TMPRSS15: variants seen among roughly 807,000 people sequenced by gnomAD.
The protein encoded by TMPRSS15 is enteropeptidase.
Under a neutral mutation model 125.3 loss-of-function variants are expected in TMPRSS15, and 128 were observed. The observed-to-expected ratio is 1.02, with a 90% CI of 0.89 to 1.18. The LOEUF (loss-of-function observed/expected upper bound fraction) is 1.18. TMPRSS15 is among the 50% of genes most tolerant of loss of function. The pLI, the probability that TMPRSS15 is intolerant of heterozygous loss-of-function variation, is 0.00. For synonymous variants in TMPRSS15, 446 were observed against 423.2 expected, an observed-to-expected ratio of 1.05 and a Z score of -0.66; for missense variants, 1,283 against 1,212.7, an observed-to-expected ratio of 1.06 and a Z score of -0.86.
chr21:18,307,737 C>A (rs560253304), intron 18 of TMPRSS15, among the ~76,000 whole-genome samples: 1 of 151,970 alleles, frequency 6.6e-6, no homozygotes, highest in Non-Finnish European at 1.5e-5. Flanking sequence ...TTGGAAGGAA[C>A]GTAAATGTAG....
At chr21:18,314,759 A>G (rs1362549913) in intron 17 of TMPRSS15, among the ~76,000 whole-genome samples, 1 of 152,182 alleles carries the variant, frequency 6.6e-6, no homozygotes, top group Non-Finnish European at 1.5e-5. Context: ...GCAGGGGGAG[A>G]AAGTGAACTA....
At chr21:18,419,556 TTC>T (rs1406813662) in intron 1 of TMPRSS15, among the ~76,000 whole-genome samples, 1 of 152,156 alleles carries the variant, frequency 6.6e-6, no homozygotes, top group Non-Finnish European at 1.5e-5. Flanking sequence ...AACTCTAACC[TTC>T]TCTTTCTTCT....
chr21:18,452,473 A>G (rs920578238), intron 1 of TMPRSS15, among the ~76,000 whole-genome samples: 1 of 152,128 alleles, frequency 6.6e-6, no homozygotes, highest in African/African-American at 2.4e-5. Flanking sequence ...AGACCAGCCT[A>G]CGCAACATGG....
chr21:18,324,060 A>T (rs2075266174), intron 16 of TMPRSS15, among the ~76,000 whole-genome samples: 1 of 152,198 alleles, frequency 6.6e-6, no homozygotes, highest in South Asian at 2.1e-4. Context: ...TCACACAGAA[A>T]ATGTTATAAC....
In TMPRSS15 at chr21:18,379,295, G is replaced by A; in HGVS notation, c.520C>T (p.Leu174=). Residue 174 remains leucine (L), a synonymous_variant, in exon 5 of 25, where the codon CTG becomes TTG. Transcript: ENST00000284885. ...TATTAAAACTGACCTGGAGTTGCCA[G>A]ATGACTGGTGGTTGTTAGCTTGTCT... is the stretch of plus-strand genomic sequence containing the variant. ...ILDKLTTTSH[L]ATPGNVSIEC... 1 of 1,336,834 alleles carries A rather than the reference G, an allele frequency of 7.5e-7. No individual in the cohort carries two copies. The highest frequency in any genetic ancestry group is 2.2e-5 in the South Asian group (1 of 46,196). 82.8% of individuals were successfully genotyped at this position (1,336,834 alleles called of 1,614,324 possible).
At chr21:18,437,725 A>G (rs1397257561) in intron 1 of TMPRSS15, among the ~76,000 whole-genome samples, 1 of 152,222 alleles carries the variant, frequency 6.6e-6, no homozygotes, top group East Asian at 1.9e-4. Context: ...ACATGAAAAA[A>G]TGCTCATCAT....
chr21:18,435,425 G>T (rs1169543500), intron 1 of TMPRSS15, among the ~76,000 whole-genome samples: 1 of 152,074 alleles, frequency 6.6e-6, no homozygotes, highest in Non-Finnish European at 1.5e-5. Context: ...TTATATGCTG[G>T]ATTACATTTA....
At chr21:18,340,382 C>T (rs2075434688) in intron 13 of TMPRSS15, among the ~76,000 whole-genome samples, 1 of 152,168 alleles carries the variant, frequency 6.6e-6, no homozygotes, top group African/African-American at 2.4e-5. Context: ...GGCTCTCAGG[C>T]CTTTGGCCAC....
At chr21:18,467,399 G>A (rs943100790) in intron 1 of TMPRSS15, among the ~76,000 whole-genome samples, 1 of 141,918 alleles carries the variant, frequency 7.0e-6, no homozygotes, top group African/African-American at 3.0e-5. Context: ...AGAATGAAAA[G>A]TATAATAATA....
intron 21 of TMPRSS15, among the ~76,000 whole-genome samples, chr21:18,287,067 C>G (rs758462550): frequency 6.6e-6 from 1 of 152,190 alleles, no homozygotes; most frequent in East Asian, 1.9e-4. Flanking sequence ...TCTGTTCATA[C>G]TACTTTTCTT....
Position 18,297,727 on chromosome 21 carries a change from G to A in TMPRSS15, c.2261+7C>T, listed in dbSNP as rs755999112. ...CAACTAGTCTAAGAACAGATTTAGG[G>A]ACCCACCTGGGTGTTAGTATTAAGT... On this transcript the variant is annotated splice_region_variant and intron_variant, in intron 19 of 24. Coordinates refer to ENST00000284885, the MANE Select transcript of TMPRSS15 (RefSeq NM_002772.3). 4.4e-6 allele frequency: 7 copies of A among 1,608,016 alleles called. No homozygotes were observed. The highest frequency in any genetic ancestry group is 1.3e-5 in the African/African-American group (1 of 74,912).
intron 1 of TMPRSS15, among the ~76,000 whole-genome samples, chr21:18,418,305 C>T (rs1360769509): frequency 6.6e-6 from 1 of 152,180 alleles, no homozygotes; most frequent in East Asian, 1.9e-4. Context: ...AAAAAGTGTT[C>T]TGTGGTCTTT....
At chr21:18,442,565 G>GA (rs1277057030) in intron 1 of TMPRSS15, among the ~76,000 whole-genome samples, 1 of 152,116 alleles carries the variant, frequency 6.6e-6, no homozygotes, top group Non-Finnish European at 1.5e-5. Flanking sequence ...GTTCTTAGGA[G>GA]AAAAAACTCC....
chr21:18,443,433 C>T (rs908724690), intron 1 of TMPRSS15, among the ~76,000 whole-genome samples: 9 of 152,172 alleles, frequency 5.9e-5, no homozygotes, highest in African/African-American at 9.7e-5. Context: ...GGGACACTCA[C>T]GCTCTCCACA....
chr21:18,367,218 T>C (rs996540222), intron 6 of TMPRSS15, among the ~76,000 whole-genome samples: 1 of 152,152 alleles, frequency 6.6e-6, no homozygotes, highest in South Asian at 2.1e-4. Context: ...GATTAAATTC[T>C]GAACAATCCG....
rs545194203 is a variant in TMPRSS15 at position 18,329,213 on chromosome 21, A to C, written c.1736T>G (p.Val579Gly). 1.2e-5 allele frequency: 20 copies of C among 1,612,660 alleles called. No individual in the cohort carries two copies. In the East Asian group the frequency reaches 4.2e-4, roughly 34 times the overall value. Residue 579 changes from valine to glycine, a missense_variant, in exon 15 of 25, where the codon GTA becomes GGA. Coordinates refer to ENST00000284885, the MANE Select transcript of TMPRSS15 (RefSeq NM_002772.3). ...TTCTTCACCATCTCTTATTTCAACT[A>C]CATCGTTAATATTTTCTAAGTCAAA... is the stretch of plus-strand genomic sequence containing the variant. Reference protein sequence around the residue: ...QEFDLENINDVVEIRDGEEAD... With the variant: ...QEFDLENINDGVEIRDGEEAD...
At chr21:18,315,070 A>G in intron 17 of TMPRSS15, 76 bp downstream of exon 17, 1 of 1,160,368 alleles carries the variant, frequency 8.6e-7, no homozygotes, top group African/African-American at 1.5e-5. Context: ...ACACAGTTAT[A>G]ATCTTTCTTT....
intron 16 of TMPRSS15, among the ~76,000 whole-genome samples, chr21:18,321,817 G>A (rs537562307): frequency 2.6e-5 from 4 of 152,126 alleles, no homozygotes; most frequent in African/African-American, 9.6e-5. Context: ...AAAAAATCTC[G>A]ACGGAAGCAG....
intron 21 of TMPRSS15, among the ~76,000 whole-genome samples, chr21:18,287,476 G>A (rs1157994996): frequency 6.6e-6 from 1 of 152,034 alleles, no homozygotes; most frequent in East Asian, 1.9e-4. Flanking sequence ...AAGTGGTTAT[G>A]CAAAATAACT....
Sources: gnomAD v4.1 joint callset for allele counts (sites outside exome capture counted in the v4.1 genomes callset) on GRCh38, gnomAD v4.1.1 for gene constraint, MANE v1.5 for transcripts, NCBI Gene and HGNC (gene_info 2026-07-23, HGNC 2026-07-21) for gene names.